The following TMEM91 variants were observed in gnomAD, a reference collection of about 807,000 sequenced individuals.
TMEM91 encodes the protein transmembrane protein 91, also known as dispanin subfamily C member 3.
A neutral mutation model predicts 13.3 loss-of-function variants in TMEM91; 6 were observed. The ratio of observed to expected loss-of-function variants is 0.45; its 90% CI spans 0.25 to 0.89. TMEM91 has a LOEUF of 0.89. Among genes scored for constraint, TMEM91 ranks in the 40% least tolerant of loss-of-function variants. TMEM91 has a pLI of 0.19. For synonymous variants in TMEM91, 87 were observed against 101.7 expected, an observed-to-expected ratio of 0.86 and a Z score of 0.87; for missense variants, 193 against 228.7, an observed-to-expected ratio of 0.84 and a Z score of 1.01.
chr19:41,365,074 T>A (rs1186468518), intron 1 of TMEM91, among the ~76,000 whole-genome samples: 1 of 151,552 alleles, frequency 6.6e-6, no homozygotes, highest in African/African-American at 2.4e-5. Flanking sequence ...GATGGAGTCC[T>A]GCTATGTTGC....
At chr19:41,369,267 T>C (rs2038575417) in intron 1 of TMEM91, among the ~76,000 whole-genome samples, 1 of 151,916 alleles carries the variant, frequency 6.6e-6, no homozygotes, top group African/African-American at 2.4e-5. Context: ...AACCTCTGCC[T>C]CCTGGGTTCA....
intron 1 of TMEM91, among the ~76,000 whole-genome samples, chr19:41,368,265 A>G (rs1468827470): frequency 6.6e-6 from 1 of 152,018 alleles, no homozygotes; most frequent in East Asian, 1.9e-4. Context: ...GTTTAAAAAA[A>G]AAATAGCAGG....
intron 1 of TMEM91, among the ~76,000 whole-genome samples, chr19:41,368,424 T>TG (rs1335714630): frequency 0.01 from 1,419 of 135,898 alleles, 8 homozygotes; most frequent in South Asian, 0.019. Context: ...CACCTTTTTT[T>TG]TGGGGGGGGT....
chr19:41,375,125 TCC>T (rs1224642433), upstream of TMEM91, among the ~76,000 whole-genome samples: 8 of 151,852 alleles, frequency 5.3e-5, no homozygotes, highest in Non-Finnish European at 1.5e-5. Flanking sequence ...CCCTAGAAAC[TCC>T]TAACCCACCT....
At chr19:41,374,355 AGTCTT>A (rs993183319), upstream of TMEM91, 56 of 152,362 alleles carry the variant, frequency 3.7e-4, no homozygotes, top group African/African-American at 1.3e-3. Context: ...AGACGATGAT[AGTCTT>A]GTAATCAGTC....
upstream of TMEM91, among the ~76,000 whole-genome samples, chr19:41,373,542 T>A (rs112737235): frequency 0.011 from 1,553 of 146,706 alleles, 38 homozygotes; most frequent in African/African-American, 0.038. Context: ...GCCCTTGTTG[T>A]GCCGACACTG....
At chr19:41,370,462 A>T (rs925779093) in intron 1 of TMEM91, among the ~76,000 whole-genome samples, 9 of 151,114 alleles carry the variant, frequency 6.0e-5, no homozygotes, top group African/African-American at 7.3e-5. Flanking sequence ...GCTGGAGTGC[A>T]GTGGCACCGT....
intron 2 of TMEM91, among the ~76,000 whole-genome samples, chr19:41,380,913 CAAAA>C (rs35462984): frequency 4.4e-5 from 3 of 67,472 alleles, no homozygotes; most frequent in African/African-American, 6.7e-5. Context: ...AACTCTGTCT[CAAAA>C]AAAAAAAAAA....
At chr19:41,378,850 G>C (rs2038798929) in intron 2 of TMEM91, among the ~76,000 whole-genome samples, 1 of 151,354 alleles carries the variant, frequency 6.6e-6, no homozygotes, top group Admixed American at 6.6e-5. Context: ...GAGAGAGAGA[G>C]AGACAGGGTC....
upstream of TMEM91, chr19:41,376,393 A>G (rs1327689687): frequency 6.6e-6 from 1 of 152,204 alleles, no homozygotes; most frequent in African/African-American, 2.4e-5. Flanking sequence ...TGTGTATGTA[A>G]GTTTATTTGC....
chr19:41,382,601 A>G (rs3745292), intron 2 of TMEM91, among the ~76,000 whole-genome samples, 171 bp from the exon 3 acceptor site: 95,410 of 152,084 alleles, frequency 0.63, 30,529 homozygotes, highest in African/African-American at 0.73. Context: ...GTGACAGAGC[A>G]AAACTCCGTC....
upstream of TMEM91, chr19:41,363,963 C>A (rs2038463617): frequency 1.7e-5 from 5 of 294,240 alleles, no homozygotes; most frequent in South Asian, 1.4e-4. Context: ...CCTACCTTAG[C>A]GCACTTAACG....
At chr19:41,378,210 TA>T in intron 1 of TMEM91, 70 bp from the exon 2 acceptor site, 2 of 1,235,404 alleles carry the variant, frequency 1.6e-6, no homozygotes, top group Non-Finnish European at 2.3e-6. Flanking sequence ...TGAGTCTCTC[TA>T]AAGCAAGGGG....
upstream of TMEM91, among the ~76,000 whole-genome samples, chr19:41,372,240 G>A (rs1259546231): frequency 2.0e-5 from 3 of 152,032 alleles, no homozygotes; most frequent in African/African-American, 7.2e-5. Context: ...CCAGCTACTC[G>A]GAGGCTGAGG....
chr19:41,382,385 A>T (rs2038907968), intron 2 of TMEM91, among the ~76,000 whole-genome samples: 1 of 152,012 alleles, frequency 6.6e-6, no homozygotes, highest in Admixed American at 6.5e-5. Context: ...GCACTTTGGG[A>T]GGCCAAGACG....
upstream of TMEM91, among the ~76,000 whole-genome samples, chr19:41,371,561 A>G (rs2038624023): frequency 6.6e-6 from 1 of 151,846 alleles, no homozygotes; most frequent in Non-Finnish European, 1.5e-5. Context: ...CTGGGACTAC[A>G]GGCGCACACC....
chr19:41,378,035 C>CAAAA (rs11449744), intron 1 of TMEM91, among the ~76,000 whole-genome samples: 2 of 101,718 alleles, frequency 2.0e-5, no homozygotes, highest in African/African-American at 3.8e-5. Flanking sequence ...GACTTTGTCT[C>CAAAA]AAAAAAAAAA....
chr19:41,383,815 C>T lies in TMEM91; in HGVS notation c.461C>T (p.Thr154Met), dbSNP rs368417249. 5.3e-5 allele frequency: 86 copies of T among 1,610,780 alleles called. 1 individual carries two copies. In the East Asian group the frequency reaches 5.6e-4, roughly 11 times the overall value. Residue 154 changes from threonine (T) to methionine (M), a missense_variant, in exon 4 of 4, where the codon ACG (threonine) becomes ATG (methionine). Physicochemically the swap from Thr to Met is moderately conservative, Grantham distance 81. Coordinates refer to ENST00000392002, the MANE Select transcript of TMEM91 (RefSeq NM_001098821.2). ...GVLAVGLGVC[T>M]YAAALVTLAA... The stretch of plus-strand genomic sequence containing the variant: ...CTCGCCGTCGGGCTGGGCGTGTGCA[C>T]GTATGCGGCTGCCCTGGTGACCCTG...
chr19:41,380,688 A>G lies in TMEM91; in HGVS notation c.211-2084A>G, dbSNP rs149579123. Among the ~76,000 whole-genome samples, 1,300 of 152,146 alleles carry G rather than the reference A, an allele frequency of 8.5e-3. 7 individuals carry two copies. The highest frequency in any genetic ancestry group is 0.014 in the Non-Finnish European group (970 of 67,996). ...CACTTTGGGAGGCTGAGACGGGCGGATCACGAGGTCAGGAGTTCGAGACCA... is the reference window on the plus strand; with the variant it reads ...CACTTTGGGAGGCTGAGACGGGCGGGTCACGAGGTCAGGAGTTCGAGACCA... On this transcript the variant is annotated intron_variant, in intron 2 of 3. Coordinates refer to ENST00000392002, the MANE Select transcript of TMEM91 (RefSeq NM_001098821.2).
Sources: allele counts gnomAD v4.1 joint callset (sites outside exome capture counted in the v4.1 genomes callset), GRCh38; gene constraint gnomAD v4.1.1; transcripts MANE v1.5; gene names NCBI Gene and HGNC (gene_info 2026-07-23, HGNC 2026-07-21).